The following SLIT3 variants were observed in gnomAD, a reference collection of about 807,000 sequenced individuals.
The protein encoded by SLIT3 is slit guidance ligand 3.
A neutral mutation model predicts 184.0 loss-of-function variants in SLIT3; 68 were observed. The observed-to-expected ratio is 0.37, with a 90% CI of 0.30 to 0.45. The LOEUF (loss-of-function observed/expected upper bound fraction) is 0.45. SLIT3 is among the 20% of genes least tolerant of loss of function. The pLI, the probability that SLIT3 is intolerant of heterozygous loss-of-function variation, is 1.00. For missense variants in SLIT3, 1,707 were observed against 2,026.0 expected (o/e 0.84, Z 3.02); for synonymous variants, 831 against 828.6 (o/e 1.00, Z -0.05).
intron 32 of SLIT3, among the ~76,000 whole-genome samples, chr5:168,681,009 CGTT>C (rs1000758382): frequency 1.3e-5 from 2 of 152,112 alleles, no homozygotes; most frequent in African/African-American, 2.4e-5. Context: ...AAAAATTAGA[CGTT>C]GTGATGCACA....
chr5:168,855,809 G>A (rs1166281765), intron 5 of SLIT3, among the ~76,000 whole-genome samples: 1 of 152,110 alleles, frequency 6.6e-6, no homozygotes, highest in East Asian at 1.9e-4. Flanking sequence ...AAAGTTTACC[G>A]TCCCCACTCT....
At chr5:169,032,745 ACACT>A (rs1757078686) in intron 4 of SLIT3, among the ~76,000 whole-genome samples, 1 of 151,874 alleles carries the variant, frequency 6.6e-6, no homozygotes, top group Admixed American at 6.6e-5. Flanking sequence ...ACCTCATATA[ACACT>A]CATGAATACT....
At chr5:169,153,591 C>T (rs1013454057) in intron 4 of SLIT3, among the ~76,000 whole-genome samples, 1 of 152,234 alleles carries the variant, frequency 6.6e-6, no homozygotes, top group African/African-American at 2.4e-5. Context: ...TGCGTTTTAT[C>T]TTTGGCTCTA....
At chr5:168,915,780 C>T (rs1453213626) in intron 4 of SLIT3, among the ~76,000 whole-genome samples, 5 of 151,968 alleles carry the variant, frequency 3.3e-5, no homozygotes, top group African/African-American at 9.7e-5. Flanking sequence ...GGAACCGCAT[C>T]GTTTTGGACA....
intron 5 of SLIT3, among the ~76,000 whole-genome samples, chr5:168,847,999 A>G (rs1758538934): frequency 6.6e-6 from 1 of 152,242 alleles, no homozygotes; most frequent in Admixed American, 6.5e-5. Context: ...ATGTGAGCAG[A>G]GAGAACCCAG....
At chr5:168,686,855 C>T in intron 30 of SLIT3, 124 bp downstream of exon 30, 1 of 1,107,068 alleles carries the variant, frequency 9.0e-7, no homozygotes, top group Non-Finnish European at 1.3e-6. Flanking sequence ...ATAAAGGCAT[C>T]ACCCAGAACC....
chr5:168,880,861 GCTA>G lies in SLIT3; in HGVS notation c.485+2401_485+2403del, dbSNP rs200311119. ...CTCTGACAGCCCCTCATTACGTATA[GCTA>G]CTTATTAGCCAACTTTCATGTTGAT... On this transcript the variant is annotated intron_variant, in intron 5 of 35. Transcript: ENST00000519560. Among the ~76,000 whole-genome samples the G allele has an allele frequency of 7.9e-3, 1,200 of 152,264 alleles. 11 individuals carry two copies. Among genetic ancestry groups the G allele is most frequent in the Non-Finnish European group, 0.012 (800 of 68,030 alleles).
intron 3 of SLIT3, among the ~76,000 whole-genome samples, chr5:169,235,043 TTCC>T (rs1476903336): frequency 6.6e-6 from 1 of 151,980 alleles, no homozygotes; most frequent in Non-Finnish European, 1.5e-5. Flanking sequence ...TTCAGTGCAC[TTCC>T]TCGAGGTACC....
chr5:168,926,033 A>G (rs1249827160), intron 4 of SLIT3, among the ~76,000 whole-genome samples: 1 of 152,216 alleles, frequency 6.6e-6, no homozygotes, highest in African/African-American at 2.4e-5. Flanking sequence ...GTTCTCAGTG[A>G]TAACACTGCT....
chr5:169,085,905 G>A (rs1031824437), intron 4 of SLIT3, among the ~76,000 whole-genome samples: 1 of 152,118 alleles, frequency 6.6e-6, no homozygotes, highest in Non-Finnish European at 1.5e-5. Context: ...TCCAACGTTG[G>A]TGTCTTTGAC....
chr5:168,685,608 C>G, intron 31 of SLIT3, 79 bp downstream of exon 31: 1 of 1,478,428 alleles, frequency 6.8e-7, no homozygotes, highest in Non-Finnish European at 9.0e-7. Context: ...TAAGATGGGG[C>G]ATTCCAGCAA....
intron 4 of SLIT3, among the ~76,000 whole-genome samples, chr5:169,116,010 A>T (rs991057012): frequency 6.6e-6 from 1 of 152,204 alleles, no homozygotes; most frequent in African/African-American, 2.4e-5. Context: ...TAAACCAGTG[A>T]CAAGTTCCCA....
intron 5 of SLIT3, among the ~76,000 whole-genome samples, chr5:168,870,967 C>T (rs1759494341): frequency 6.6e-6 from 1 of 152,194 alleles, no homozygotes; most frequent in Non-Finnish European, 1.5e-5. Flanking sequence ...CCCATGGCTG[C>T]TATAACGAAT....
At chr5:168,952,437 T>A (rs1022998846) in intron 4 of SLIT3, among the ~76,000 whole-genome samples, 7 of 150,186 alleles carry the variant, frequency 4.7e-5, no homozygotes, top group Non-Finnish European at 8.8e-5. Context: ...TTCCCCCAAG[T>A]GGCTGCATTC....
At chr5:168,821,243 G>T (rs1041117560) in intron 7 of SLIT3, among the ~76,000 whole-genome samples, 1 of 152,196 alleles carries the variant, frequency 6.6e-6, no homozygotes, top group Non-Finnish European at 1.5e-5. Context: ...GCCTAACCCT[G>T]TCCCTACAAC....
chr5:168,914,477 C>T (rs997904806), intron 4 of SLIT3, among the ~76,000 whole-genome samples: 2 of 152,174 alleles, frequency 1.3e-5, no homozygotes, highest in South Asian at 2.1e-4. Flanking sequence ...GCTAAATGGG[C>T]ACTTTCCACT....
chr5:168,779,420 G>A (rs1227962394), intron 12 of SLIT3, among the ~76,000 whole-genome samples: 2 of 152,226 alleles, frequency 1.3e-5, no homozygotes, highest in East Asian at 3.8e-4. Flanking sequence ...GGAAATTAAG[G>A]AGAGTGGCAC....
At chr5:169,114,973 AAGG>A (rs1335558198) in intron 4 of SLIT3, among the ~76,000 whole-genome samples, 1 of 152,196 alleles carries the variant, frequency 6.6e-6, no homozygotes, top group African/African-American at 2.4e-5. Context: ...GGGAGGGCGG[AAGG>A]AGGTGTGCTA....
intron 20 of SLIT3, among the ~76,000 whole-genome samples, chr5:168,738,204 C>T (rs1763498020): frequency 6.6e-6 from 1 of 152,202 alleles, no homozygotes; most frequent in Admixed American, 6.5e-5. Context: ...TCCTTTTGCC[C>T]TGTGTTGACA....
Sources: allele counts gnomAD v4.1 joint callset (sites outside exome capture counted in the v4.1 genomes callset), GRCh38; gene constraint gnomAD v4.1.1; transcripts MANE v1.5; gene names NCBI Gene and HGNC (gene_info 2026-07-23, HGNC 2026-07-21).